The following UNC79 variants were observed in gnomAD, a reference collection of about 807,000 sequenced individuals.
The protein encoded by UNC79 is unc-79 subunit of NALCN channel complex.
In UNC79, 37 loss-of-function variants were observed where a neutral mutation model predicts 283.1. The observed-to-expected ratio is 0.13, with a 90% confidence interval of 0.10 to 0.17. The LOEUF is 0.17. Among genes scored for constraint, UNC79 ranks in the 10% least tolerant of loss-of-function variants. The probability of loss-of-function intolerance (pLI) is 1.00; values close to 1 mark genes in which losing one functional copy is unlikely to be tolerated. For synonymous variants in UNC79, 1,107 were observed against 1,200.2 expected, an observed-to-expected ratio of 0.92 and a Z score of 1.61; for missense variants, 2,272 against 3,211.1, an observed-to-expected ratio of 0.71 and a Z score of 7.07.
At chr14:93,336,548 G>A (rs1273537852) in intron 1 of UNC79, among the ~76,000 whole-genome samples, 1 of 152,038 alleles carries the variant, frequency 6.6e-6, no homozygotes, top group African/African-American at 2.4e-5. Context: ...TCACCATGTT[G>A]GCCAGGCTGG....
intron 39 of UNC79, among the ~76,000 whole-genome samples, chr14:93,660,368 C>T (rs1359400376): frequency 6.6e-6 from 1 of 151,604 alleles, no homozygotes; most frequent in African/African-American, 2.4e-5. Context: ...GGGTCCATAT[C>T]GCCCCATCAC....
At chr14:93,603,303 A>C (rs2065646665) in exon 26 of UNC79, 2 of 1,614,154 alleles carry the variant, frequency 1.2e-6, no homozygotes, top group Non-Finnish European at 1.7e-6. Flanking sequence ...AGATCAAGAG[A>C]GCTCGCTTTG....
intron 46 of UNC79, among the ~76,000 whole-genome samples, chr14:93,693,544 A>G (rs1370666862): frequency 6.6e-6 from 1 of 152,228 alleles, no homozygotes; most frequent in Non-Finnish European, 1.5e-5. Context: ...TCCCTGGAAT[A>G]TTTAAAATCC....
At chr14:93,608,543 C>A (rs1263190863) in intron 26 of UNC79, among the ~76,000 whole-genome samples, 1 of 152,172 alleles carries the variant, frequency 6.6e-6, no homozygotes, top group Non-Finnish European at 1.5e-5. Context: ...TGGATATGTG[C>A]ACACACAAGG....
At chr14:93,416,231 C>T (rs1040171678) in intron 1 of UNC79, among the ~76,000 whole-genome samples, 28 of 142,926 alleles carry the variant, frequency 2.0e-4, no homozygotes, top group African/African-American at 2.6e-4. Context: ...TCTTTGTTCT[C>T]GTTGGTTTCA....
At chr14:93,646,462 G>T in intron 34 of UNC79, 146 bp from the exon 38 acceptor site, 2 of 669,030 alleles carry the variant, frequency 3.0e-6, no homozygotes, top group South Asian at 2.1e-5. Context: ...CCACTGAGTG[G>T]GCCCTCTGTA....
At chr14:93,646,000 C>G (rs2069556160) in intron 34 of UNC79, among the ~76,000 whole-genome samples, 1 of 152,096 alleles carries the variant, frequency 6.6e-6, no homozygotes, top group South Asian at 2.1e-4. Flanking sequence ...TTATTCTAAA[C>G]CCATCAGTAT....
At chr14:93,530,039 T>C in intron 10 of UNC79, among the ~76,000 whole-genome samples, 1 of 152,154 alleles carries the variant, frequency 6.6e-6, no homozygotes, top group East Asian at 1.9e-4. Context: ...CATACTAAGT[T>C]TGAGTAGAGA....
At position 93,609,831 on chromosome 14, in the gene UNC79, T is replaced by C. The variant is rs141667447; in HGVS notation, c.3755-2966T>C. Among the ~76,000 whole-genome samples the C allele has an allele frequency of 1.3e-3, 204 of 152,296 alleles. 1 individual carries two copies. The highest frequency in any genetic ancestry group is 0.01 in the Middle Eastern group (3 of 294). On this transcript the variant is annotated intron_variant, in intron 26 of 48. Coordinates refer to ENST00000555664, the Ensembl canonical transcript of UNC79. ...GAGTGCACCAGTCACAAGCTTACTC[T>C]ATTTCAAAGAGAGGCAATAAACGAA...
intron 20 of UNC79, among the ~76,000 whole-genome samples, chr14:93,586,121 T>C (rs991832482): frequency 6.6e-6 from 1 of 152,186 alleles, no homozygotes; most frequent in Admixed American, 6.5e-5. Context: ...CCTCAAGTGA[T>C]CTACCCGCCT....
Position 93,477,683 on chromosome 14 carries a change from G to A in UNC79, c.574G>A (p.Asp192Asn), listed in dbSNP as rs150065550. The A allele has an allele frequency of 5.5e-5, 88 of 1,613,166 alleles. No individual in the cohort carries two copies. The highest frequency in any genetic ancestry group is 7.1e-5 in the Non-Finnish European group (84 of 1,179,700). Reference sequence around the variant, plus strand: ...TACCTTTCCTCCATTTCTGCACAAGGATATCATTGAATATCTTAGCACATC... The same window carrying A: ...TACCTTTCCTCCATTTCTGCACAAGAATATCATTGAATATCTTAGCACATC... Residue 192 changes from aspartate to asparagine, a missense_variant, in exon 4 of 49, where the codon GAT becomes AAT. By Grantham distance (23) the Asp-to-Asn change is conservative. This residue lies in a region of UNC79 where 194 missense variants were observed against 268.9 expected (regional missense o/e 0.72). Coordinates refer to ENST00000555664, the Ensembl canonical transcript of UNC79.
intron 47 of UNC79, among the ~76,000 whole-genome samples, chr14:93,697,454 A>G (rs1220822951): frequency 6.6e-6 from 1 of 152,124 alleles, no homozygotes; most frequent in African/African-American, 2.4e-5. Context: ...GTCTATTTTT[A>G]TAACACACTG....
intron 1 of UNC79, among the ~76,000 whole-genome samples, chr14:93,424,883 C>T: frequency 6.6e-6 from 1 of 151,944 alleles, no homozygotes; most frequent in East Asian, 1.9e-4. Flanking sequence ...GCGTATAACA[C>T]AAAAGAGAAA....
intron 34 of UNC79, among the ~76,000 whole-genome samples, chr14:93,645,093 AC>A (rs2069455703): frequency 6.6e-6 from 1 of 152,208 alleles, no homozygotes; most frequent in Non-Finnish European, 1.5e-5. Context: ...CACAATTTCT[AC>A]TATCAATACT....
chr14:93,433,378 C>T (rs1170682211), intron 1 of UNC79, among the ~76,000 whole-genome samples: 2 of 152,056 alleles, frequency 1.3e-5, no homozygotes, highest in Non-Finnish European at 2.9e-5. Context: ...TTGACATTTT[C>T]GTGTATGTTA....
chr14:93,563,306 C>T (rs555594246), intron 14 of UNC79, among the ~76,000 whole-genome samples: 1 of 152,268 alleles, frequency 6.6e-6, no homozygotes, highest in Admixed American at 6.5e-5. Context: ...GGATCTGATG[C>T]CTTTTGATGG....
chr14:93,544,847 C>T (rs1408106666), intron 14 of UNC79, among the ~76,000 whole-genome samples: 3 of 152,268 alleles, frequency 2.0e-5, no homozygotes, highest in East Asian at 3.9e-4. Flanking sequence ...GTGAGAACAT[C>T]GGTGTCACAG....
chr14:93,695,060 A>G (rs1163305866), intron 47 of UNC79, among the ~76,000 whole-genome samples: 3 of 152,108 alleles, frequency 2.0e-5, no homozygotes, highest in Admixed American at 6.6e-5. Flanking sequence ...CAAAAACGAA[A>G]CAGTAGAGAA....
intron 23 of UNC79, 64 bp from the exon 24 acceptor site, chr14:93,597,295 G>A: frequency 6.5e-7 from 1 of 1,529,108 alleles, no homozygotes; most frequent in Non-Finnish European, 8.9e-7. Context: ...CTAAATAAAT[G>A]TGTATGCGTG....
Sources: gnomAD v4.1 joint callset for allele counts (sites outside exome capture counted in the v4.1 genomes callset) on GRCh38, gnomAD v4.1.1 for gene constraint, gnomAD v4.1.1 regional missense constraint, MANE v1.5 for transcripts, NCBI Gene and HGNC (gene_info 2026-07-23, HGNC 2026-07-21) for gene names.